The following SYT9 variants were observed in gnomAD, a reference collection of about 807,000 sequenced individuals.
SYT9 encodes the protein synaptotagmin 9, also known as synaptotagmin-9.
Under a neutral mutation model 48.4 loss-of-function variants are expected in SYT9, and 22 were observed. The ratio of observed to expected loss-of-function variants is 0.45; its 90% CI spans 0.32 to 0.65. The LOEUF is 0.65. Among genes scored for constraint, SYT9 ranks in the 30% least tolerant of loss-of-function variants. The pLI is 0.03. For missense variants in SYT9, 577 were observed against 622.0 expected (o/e 0.93, Z 0.77); for synonymous variants, 265 against 245.0 (o/e 1.08, Z -0.76).
chr11:7,343,379 G>T lies in SYT9; in HGVS notation c.1044+29438G>T, dbSNP rs142385873. Among the ~76,000 whole-genome samples, 279 of 152,214 alleles carry T rather than the reference G, an allele frequency of 1.8e-3. 1 individual carries two copies. Among genetic ancestry groups the T allele is most frequent in the African/African-American group, 6.4e-3 (267 of 41,526 alleles). ...GCTTTGCTGCTTAGTAATTTTTTCTGCCAGATACCCTAAATCATCTCCCTT... is the reference window on the plus strand; with the variant it reads ...GCTTTGCTGCTTAGTAATTTTTTCTTCCAGATACCCTAAATCATCTCCCTT... On this transcript the variant is annotated intron_variant, in intron 3 of 6. Transcript: ENST00000318881.
intron 6 of SYT9, among the ~76,000 whole-genome samples, chr11:7,465,209 C>G (rs913877318): frequency 1.3e-5 from 2 of 152,148 alleles, no homozygotes; most frequent in Non-Finnish European, 2.9e-5. Context: ...GACACAGAAA[C>G]AAAGACCCCT....
intron 1 of SYT9, among the ~76,000 whole-genome samples, chr11:7,290,610 AT>A (rs1848682345): frequency 6.6e-6 from 1 of 152,046 alleles, no homozygotes; most frequent in Non-Finnish European, 1.5e-5. Flanking sequence ...CCTAAATCAC[AT>A]TTTTAGTGGA....
chr11:7,447,583 C>T (rs996508159), intron 6 of SYT9, among the ~76,000 whole-genome samples: 1 of 152,174 alleles, frequency 6.6e-6, no homozygotes, highest in Non-Finnish European at 1.5e-5. Flanking sequence ...ATAGCTCCCA[C>T]AATCCTATTT....
At chr11:7,376,781 A>T (rs1218116435) in intron 3 of SYT9, among the ~76,000 whole-genome samples, 1 of 151,854 alleles carries the variant, frequency 6.6e-6, no homozygotes, top group Non-Finnish European at 1.5e-5. Flanking sequence ...ACACTCTAAA[A>T]ATGTCCACCT....
intron 3 of SYT9, among the ~76,000 whole-genome samples, chr11:7,368,347 T>TGTTGTTG (rs71470474): frequency 0.013 from 2,012 of 151,858 alleles, 43 homozygotes; most frequent in African/African-American, 0.047. Context: ...ATAATGGGGT[T>TGTTGTTG]TTGTTGTTGT....
rs34629945 is a variant in SYT9, at chr11:7,455,334, A to ATT, written c.1468-11442_1468-11441dup. Among the ~76,000 whole-genome samples, 84 of 136,536 alleles carry ATT rather than the reference A, an allele frequency of 6.2e-4. 4 individuals are homozygous for ATT. Among genetic ancestry groups the ATT allele is most frequent in the Admixed American group, 9.5e-4 (13 of 13,626 alleles). 89.6% of individuals were successfully genotyped at this position (136,536 alleles called of 152,430 possible). A position where few individuals can be genotyped will look rare whatever the true frequency, so the allele number is the denominator to read the frequency against. ...CATACAACATTCCAATGTTTAAGCT[A>ATT]TTTTTTTTTTTTTTTTTGAGACAGA... On this transcript the variant is annotated intron_variant, in intron 6 of 6. Transcript: ENST00000318881.
chr11:7,384,414 G>C lies in SYT9; in HGVS notation c.1045-31628G>C, dbSNP rs532399021. On this transcript the variant is annotated intron_variant, in intron 3 of 6. Transcript: ENST00000318881. Reference sequence around the variant, plus strand: ...GTCCAGTACTTCTCCCCCTCCACTTGGAAATGGGTGTTAATGGCAATTCCA... The same window carrying C: ...GTCCAGTACTTCTCCCCCTCCACTTCGAAATGGGTGTTAATGGCAATTCCA... 2.1e-3 allele frequency among the ~76,000 whole-genome samples: 319 copies of C among 152,160 alleles called. 1 individual carries two copies. The highest frequency in any genetic ancestry group is 6.6e-4 in the Non-Finnish European group (45 of 68,010).
At chr11:7,440,571 A>G (rs1314513629) in intron 6 of SYT9, 1 of 152,230 alleles carries the variant, frequency 6.6e-6, no homozygotes, top group Non-Finnish European at 1.5e-5. Flanking sequence ...TAAACGTTCC[A>G]CCAGAAGTGA....
At chr11:7,247,850 G>A (rs1847814062), upstream of SYT9, among the ~76,000 whole-genome samples, 2 of 151,828 alleles carry the variant, frequency 1.3e-5, no homozygotes, top group Non-Finnish European at 2.9e-5. Flanking sequence ...CCCAGTAGTG[G>A]GACAGCTGCA....
intron 3 of SYT9, among the ~76,000 whole-genome samples, chr11:7,366,470 T>C (rs1175446422): frequency 6.6e-6 from 1 of 152,212 alleles, no homozygotes; most frequent in Admixed American, 6.5e-5. Context: ...ATAGAGTTAA[T>C]TAATAGACAT....
intron 1 of SYT9, among the ~76,000 whole-genome samples, chr11:7,290,285 G>C (rs1227202659): frequency 6.6e-6 from 1 of 152,152 alleles, no homozygotes; most frequent in Non-Finnish European, 1.5e-5. Flanking sequence ...AGACTATTTG[G>C]AACTATCATC....
intron 2 of SYT9, among the ~76,000 whole-genome samples, chr11:7,311,762 G>A (rs998705239): frequency 6.6e-6 from 1 of 152,182 alleles, no homozygotes; most frequent in Non-Finnish European, 1.5e-5. Flanking sequence ...CTCTGCATAT[G>A]GCAGGTTACT....
At chr11:7,287,451 A>G (rs1274893170) in intron 1 of SYT9, among the ~76,000 whole-genome samples, 3 of 152,226 alleles carry the variant, frequency 2.0e-5, no homozygotes, top group South Asian at 2.1e-4. Flanking sequence ...GGCTATTTTT[A>G]TAAGTCCTTG....
At chr11:7,323,721 A>AAAACTTGTATTTCTGAGAT (rs1480085183) in intron 3 of SYT9, among the ~76,000 whole-genome samples, 2 of 152,022 alleles carry the variant, frequency 1.3e-5, no homozygotes, top group East Asian at 3.8e-4. Context: ...ACTTTTTATG[A>AAAACTTGTATTTCTGAGAT]AAACTTGTAT....
At chr11:7,431,818 G>A (rs956801957) in intron 6 of SYT9, among the ~76,000 whole-genome samples, 1 of 152,264 alleles carries the variant, frequency 6.6e-6, no homozygotes, top group Non-Finnish European at 1.5e-5. Flanking sequence ...AAGCCTGCAG[G>A]TGCTTAACTG....
At position 7,361,709 on chromosome 11, in the gene SYT9, C is replaced by A. The variant is rs114610173; in HGVS notation, c.1044+47768C>A. Among the ~76,000 whole-genome samples the A allele has an allele frequency of 9.5e-3, 1,439 of 152,266 alleles. 25 individuals are homozygous for A. The highest frequency in any genetic ancestry group is 0.033 in the African/African-American group (1,374 of 41,528). ...GTTCAGGGTCATTATATCTTCCTGG[C>A]AAATTGTTCCTTATATTATTATGTT... On this transcript the variant is annotated intron_variant, in intron 3 of 6. Coordinates refer to ENST00000318881, the MANE Select transcript of SYT9 (RefSeq NM_175733.4).
intron 6 of SYT9, 25 bp from the exon 7 acceptor site, chr11:7,466,767 A>AT: frequency 6.2e-7 from 1 of 1,605,704 alleles, no homozygotes; most frequent in Non-Finnish European, 8.5e-7. Flanking sequence ...AAGCCAAATT[A>AT]TTTTTTTGTT....
chr11:7,382,578 A>T (rs1041655218), intron 3 of SYT9, among the ~76,000 whole-genome samples: 1 of 152,200 alleles, frequency 6.6e-6, no homozygotes, highest in Admixed American at 6.5e-5. Context: ...ATATGAGTCT[A>T]TGGTGCATGG....
intron 1 of SYT9, among the ~76,000 whole-genome samples, chr11:7,275,243 G>A (rs1848366248): frequency 6.6e-6 from 1 of 152,000 alleles, no homozygotes; most frequent in East Asian, 1.9e-4. Context: ...TCTCCAAATG[G>A]TGTCTTCCTC....
Sources: gnomAD v4.1 joint callset for allele counts (sites outside exome capture counted in the v4.1 genomes callset) on GRCh38, gnomAD v4.1.1 for gene constraint, MANE v1.5 for transcripts, NCBI Gene and HGNC (gene_info 2026-07-23, HGNC 2026-07-21) for gene names.